USP47: variants seen among roughly 807,000 people sequenced by gnomAD.
USP47 encodes ubiquitin specific peptidase 47, also known as ubiquitin carboxyl-terminal hydrolase 47.
Under a neutral mutation model 165.1 loss-of-function variants are expected in USP47, and 35 were observed. That is an observed-to-expected ratio of 0.21 (90% CI 0.16 to 0.28). USP47 has a LOEUF of 0.28. Ranked by LOEUF, USP47 falls within the 10% of genes least tolerant of loss-of-function variation. The probability of loss-of-function intolerance (pLI) is 1.00; values close to 1 mark genes in which losing one functional copy is unlikely to be tolerated. For synonymous variants in USP47, 531 were observed against 544.5 expected (o/e 0.98, Z 0.35); for missense variants, 1,277 against 1,607.4 (o/e 0.79, Z 3.52).
At chr11:11,863,579 C>T (rs1849500926) in intron 1 of USP47, among the ~76,000 whole-genome samples, 1 of 152,000 alleles carries the variant, frequency 6.6e-6, no homozygotes, top group Non-Finnish European at 1.5e-5. Flanking sequence ...GAGTATTAAG[C>T]CAATTATAAC....
chr11:11,920,218 T>C lies in USP47; in HGVS notation c.1032T>C (p.Cys344=), dbSNP rs35044288. ...TGGATGGCCCAAATCAGTATTTTTGTGAACGTTGTAAGAAGAAGTGTGATG... is the reference window on the plus strand; with the variant it reads ...TGGATGGCCCAAATCAGTATTTTTGCGAACGTTGTAAGAAGAAGTGTGATG... The part of the protein sequence containing the change: ...EILDGPNQYF[C]ERCKKKCDAR... The change falls in exon 9 of 28, where the codon TGT becomes TGC. Residue 344 remains cysteine (C), a synonymous_variant. Transcript: ENST00000527733. 0.025 allele frequency: 39,608 copies of C among 1,609,516 alleles called. 611 individuals carry two copies. The highest frequency in any genetic ancestry group is 0.041 in the Middle Eastern group (247 of 6,046).
intron 19 of USP47, among the ~76,000 whole-genome samples, chr11:11,941,661 ATCATT>A (rs1419828235): frequency 2.0e-5 from 3 of 152,072 alleles, no homozygotes; most frequent in Non-Finnish European, 2.9e-5. Flanking sequence ...TCAGGATCAT[ATCATT>A]TCATCTATAG....
At chr11:11,842,317 G>T (rs1848171081) in intron 1 of USP47, 93 bp downstream of exon 1, 1 of 1,420,950 alleles carries the variant, frequency 7.0e-7, no homozygotes, top group Admixed American at 2.2e-5. Flanking sequence ...CCCGGCCGGG[G>T]TGCAGGCTCG....
intron 1 of USP47, among the ~76,000 whole-genome samples, chr11:11,875,033 TTGTGTGTGTGTGTGTGTGTGTGTG>T (rs57342188): frequency 3.1e-5 from 3 of 95,352 alleles, no homozygotes. Flanking sequence ...AATTGACTTA[TTGTGTGTGTGTGTGTGTGTGTGTG>T]TGTGTGTGTG....
rs1847230093 is a variant in USP47, at chr11:11,956,968, G to T, written c.*793G>T. 6.6e-6 allele frequency: 1 copy of T among 152,192 alleles called. No homozygotes were observed. Among genetic ancestry groups the T allele is most frequent in the Non-Finnish European group, 1.5e-5 (1 of 68,032 alleles). The allele number at this position is 152,192 out of a possible 1,614,324, so 9.4% of individuals were successfully genotyped here. On this transcript the variant is annotated 3_prime_UTR_variant, in exon 28 of 28. Coordinates refer to ENST00000527733, the MANE Select transcript of USP47 (RefSeq NM_001282659.2). The stretch of plus-strand genomic sequence containing the variant: ...TAATTGCAGTTCAACTATCTGCCAT[G>T]ATTATTCTTTTCACGTATCATTCAT...
intron 5 of USP47, among the ~76,000 whole-genome samples, chr11:11,901,917 C>T (rs1476045777): frequency 6.6e-6 from 1 of 151,072 alleles, no homozygotes; most frequent in African/African-American, 2.4e-5. Context: ...CAAGATCATC[C>T]CACTGCACTC....
rs373621253 is a variant in USP47 at position 11,938,282 on chromosome 11, T to G, written c.2103T>G (p.Val701=). The G allele has an allele frequency of 1.9e-6, 3 of 1,612,062 alleles. No individual in the cohort carries two copies. The East Asian group carries it at 6.7e-5, about 36-fold the overall frequency. The change falls in exon 18 of 28, where the codon GTT becomes GTG. Residue 701 remains valine (V), a synonymous_variant. Coordinates refer to ENST00000527733, the MANE Select transcript of USP47 (RefSeq NM_001282659.2). ...AAGTGATGGTGAAAGTTCATGTTGT[T>G]GATCTAAAGGCAGAATCTGTAGCTG... ...PGEVMVKVHV[V]DLKAESVAAP... is the part of the protein sequence containing the mutation.
At position 11,960,031 on chromosome 11, in the gene USP47, A is replaced by C. The variant is rs932181740; in HGVS notation, c.*3856A>C. Among the ~76,000 whole-genome samples, 2 of 152,182 alleles carry C rather than the reference A, an allele frequency of 1.3e-5. No individual in the cohort carries two copies. The highest frequency in any genetic ancestry group is 1.3e-4 in the Admixed American group (2 of 15,278). On this transcript the variant is annotated 3_prime_UTR_variant, in exon 28 of 28. Transcript: ENST00000527733. The stretch of plus-strand genomic sequence containing the variant: ...CTTACATTTTTTTCATAACTGTGCC[A>C]ATTGTTTTGTCAAATGCAGTTACCC...
intron 8 of USP47, among the ~76,000 whole-genome samples, chr11:11,919,677 C>T (rs1051849842): frequency 6.6e-6 from 1 of 151,862 alleles, no homozygotes; most frequent in Non-Finnish European, 1.5e-5. Context: ...ACTGACTGAT[C>T]CTAACTATGG....
At chr11:11,955,727 A>G (rs1478427569) in intron 27 of USP47, among the ~76,000 whole-genome samples, 1 of 152,282 alleles carries the variant, frequency 6.6e-6, no homozygotes, top group Non-Finnish European at 1.5e-5. Flanking sequence ...TGCATGTAAA[A>G]TAACTGGCAC....
chr11:11,895,237 C>T (rs1037851659), intron 4 of USP47, among the ~76,000 whole-genome samples: 1 of 152,106 alleles, frequency 6.6e-6, no homozygotes, highest in African/African-American at 2.4e-5. Flanking sequence ...CTTTGCTATA[C>T]ATTGCCATGT....
intron 2 of USP47, among the ~76,000 whole-genome samples, chr11:11,881,143 T>C (rs1325285965): frequency 6.6e-6 from 1 of 152,186 alleles, no homozygotes; most frequent in Non-Finnish European, 1.5e-5. Flanking sequence ...CTCTGTTCAC[T>C]TCTCTGTGAA....
At chr11:11,920,080 A>T in intron 8 of USP47, 76 bp from the exon 9 acceptor site, 1 of 1,104,804 alleles carries the variant, frequency 9.1e-7, no homozygotes, top group Non-Finnish European at 1.2e-6. Context: ...TTTAGTAATT[A>T]CAGTCTTTTT....
intron 2 of USP47, among the ~76,000 whole-genome samples, chr11:11,881,712 T>G (rs1850843608): frequency 1.3e-5 from 2 of 152,134 alleles, no homozygotes. Flanking sequence ...TGTATTAATG[T>G]TTACTACCAA....
intron 20 of USP47, 53 bp from the exon 21 acceptor site, chr11:11,947,892 C>T (rs1564893827): frequency 3.9e-6 from 6 of 1,536,020 alleles, no homozygotes; most frequent in African/African-American, 1.4e-5. Flanking sequence ...TATTTATACT[C>T]AGAGGTTTCT....
intron 8 of USP47, among the ~76,000 whole-genome samples, chr11:11,915,980 G>A (rs1219766961): frequency 2.6e-5 from 4 of 151,968 alleles, no homozygotes; most frequent in African/African-American, 9.7e-5. Flanking sequence ...CACATAAATG[G>A]TTAAAAAAAG....
Position 11,902,671 on chromosome 11 carries a change from T to C in USP47, c.594-44T>C, listed in dbSNP as rs776009322. 2.1e-5 allele frequency: 27 copies of C among 1,296,658 alleles called. No homozygotes were observed. The African/African-American group carries it at 3.5e-4, about 17-fold the overall frequency. The allele number at this position is 1,296,658 out of a possible 1,614,324, so 80.3% of individuals were successfully genotyped here. A position where few individuals can be genotyped will look rare whatever the true frequency, so the allele number is the denominator to read the frequency against. On this transcript the variant is annotated intron_variant, in intron 5 of 27. Coordinates refer to ENST00000527733, the MANE Select transcript of USP47 (RefSeq NM_001282659.2). ...TGATATTAATTATGCTTTTAAATAA[T>C]AAAATCATTTTATAAATACTTTATT...
At chr11:11,870,994 G>A (rs751019423) in intron 1 of USP47, among the ~76,000 whole-genome samples, 2 of 152,030 alleles carry the variant, frequency 1.3e-5, no homozygotes, top group African/African-American at 4.8e-5. Flanking sequence ...GTGGGTCCTG[G>A]ATGTTTTTTA....
chr11:11,937,573 C>CTTTTT (rs554663366), intron 17 of USP47, among the ~76,000 whole-genome samples: 2 of 133,742 alleles, frequency 1.5e-5, no homozygotes, highest in African/African-American at 2.7e-5. Context: ...CATTTCCTTG[C>CTTTTT]TTTTTTTTTT....
Sources: allele counts gnomAD v4.1 joint callset (sites outside exome capture counted in the v4.1 genomes callset), GRCh38; gene constraint gnomAD v4.1.1; transcripts MANE v1.5; gene names NCBI Gene and HGNC (gene_info 2026-07-23, HGNC 2026-07-21).